Variants in SNX6 observed in about 807,000 individuals in gnomAD.
The protein encoded by SNX6 is sorting nexin 6.
Under a neutral mutation model 63.0 loss-of-function variants are expected in SNX6, and 34 were observed. That is an observed-to-expected ratio of 0.54 (90% CI 0.41 to 0.72). SNX6 has a LOEUF of 0.72. Ranked by LOEUF, SNX6 falls within the 30% of genes least tolerant of loss-of-function variation. The probability of loss-of-function intolerance (pLI) is 0.00; values close to 1 mark genes in which losing one functional copy is unlikely to be tolerated. For synonymous variants in SNX6, 170 were observed against 164.2 expected (o/e 1.04, Z -0.27); for missense variants, 398 against 471.4 (o/e 0.84, Z 1.44).
Position 34,630,120 on chromosome 14 carries a change from T to G in SNX6, c.-4A>C. The G allele has an allele frequency of 7.4e-7, 1 of 1,357,244 alleles. No homozygotes were observed. The highest frequency in any genetic ancestry group is 1.8e-5 in the South Asian group (1 of 55,594). 84.1% of individuals were successfully genotyped at this position (1,357,244 alleles called of 1,614,324 possible). On this transcript the variant is annotated 5_prime_UTR_variant, in exon 1 of 14. Coordinates refer to ENST00000362031, the MANE Select transcript of SNX6 (RefSeq NM_152233.4). ...CGCGGAGAACACCCACCATCATGGC[T>G]GCTCCGAGGCGAGGGCCGGCGCAGG...
In SNX6 at chr14:34,563,029, T is replaced by A. The variant is rs1231035511; in HGVS notation, c.*93A>T. ...CACTTTTTCAGCTGCTTTTTGTTTG[T>A]TTCCAGTGAGCATAAATGCTTAACA... On this transcript the variant is annotated 3_prime_UTR_variant, in exon 14 of 14. Coordinates refer to ENST00000362031, the MANE Select transcript of SNX6 (RefSeq NM_152233.4). 2 of 1,298,602 alleles carry A rather than the reference T, an allele frequency of 1.5e-6. No homozygotes were observed. Among genetic ancestry groups the A allele is most frequent in the Non-Finnish European group, 1.1e-6 (1 of 909,578 alleles). 80.4% of individuals were successfully genotyped at this position (1,298,602 alleles called of 1,614,324 possible).
At chr14:34,613,060 C>T (rs1292053940) in intron 2 of SNX6, among the ~76,000 whole-genome samples, 1 of 126,538 alleles carries the variant, frequency 7.9e-6, no homozygotes, top group Non-Finnish European at 1.7e-5. Context: ...AAAAAAAAAA[C>T]TGACACAGGA....
chr14:34,603,504 A>T, intron 5 of SNX6, 33 bp from the exon 6 acceptor site: 1 of 1,514,264 alleles, frequency 6.6e-7, no homozygotes, highest in Non-Finnish European at 8.8e-7. Flanking sequence ...AAGGTAAAAA[A>T]CTCCATCAAC....
chr14:34,575,930 G>GTTT (rs34357905), intron 10 of SNX6, 88 bp from the exon 11 acceptor site: 374 of 523,220 alleles, frequency 7.1e-4, no homozygotes, highest in Middle Eastern at 1.9e-3. Context: ...TTGTTTTTTT[G>GTTT]TTTTTTTTTT....
chr14:34,614,946 ATTT>A (rs1005919152), intron 2 of SNX6, among the ~76,000 whole-genome samples: 1 of 148,356 alleles, frequency 6.7e-6, no homozygotes, highest in Non-Finnish European at 1.5e-5. Context: ...TTGCTTTCAG[ATTT>A]TTTTTTTTAA....
chr14:34,629,023 G>A (rs1224594478), intron 2 of SNX6, among the ~76,000 whole-genome samples: 1 of 151,992 alleles, frequency 6.6e-6, no homozygotes, highest in Admixed American at 6.6e-5. Flanking sequence ...ACCAAGGGCA[G>A]AATGGAGGTT....
intron 2 of SNX6, among the ~76,000 whole-genome samples, chr14:34,621,554 C>G (rs572114778): frequency 6.6e-6 from 1 of 152,198 alleles, no homozygotes; most frequent in Non-Finnish European, 1.5e-5. Flanking sequence ...AGTGAAGAGA[C>G]ACAATCCTCA....
intron 2 of SNX6, among the ~76,000 whole-genome samples, chr14:34,623,177 G>C (rs1017371823): frequency 6.6e-6 from 1 of 152,060 alleles, no homozygotes; most frequent in African/African-American, 2.4e-5. Context: ...AATAAATGTG[G>C]CATGTGTTTA....
intron 9 of SNX6, among the ~76,000 whole-genome samples, chr14:34,584,896 A>C (rs1479716555): frequency 6.6e-6 from 1 of 151,930 alleles, no homozygotes; most frequent in Non-Finnish European, 1.5e-5. Flanking sequence ...CTTGTTGCCC[A>C]GGCTGGAGTG....
At chr14:34,596,895 C>T (rs571480732) in intron 7 of SNX6, among the ~76,000 whole-genome samples, 17 of 152,214 alleles carry the variant, frequency 1.1e-4, no homozygotes, top group Non-Finnish European at 2.1e-4. Flanking sequence ...GTCTCGAAAA[C>T]TCCTGACCTC....
chr14:34,585,161 A>C (rs1260345599), intron 9 of SNX6, among the ~76,000 whole-genome samples: 2 of 152,032 alleles, frequency 1.3e-5, no homozygotes, highest in Admixed American at 1.3e-4. Context: ...CCTCAACCCA[A>C]GTTTTTAAAG....
intron 2 of SNX6, among the ~76,000 whole-genome samples, chr14:34,618,365 G>C (rs68034895): frequency 0.26 from 21,861 of 83,016 alleles, 1,769 homozygotes; most frequent in African/African-American, 0.44. Flanking sequence ...TTTTTGGGGA[G>C]GGGGGGATGG....
At chr14:34,577,107 GA>G (rs1881742884) in intron 10 of SNX6, among the ~76,000 whole-genome samples, 1 of 151,830 alleles carries the variant, frequency 6.6e-6, no homozygotes, top group Non-Finnish European at 1.5e-5. Flanking sequence ...TTTTCCAGAC[GA>G]AGTCTTGCTC....
At chr14:34,628,410 G>A (rs1883911058) in intron 2 of SNX6, among the ~76,000 whole-genome samples, 1 of 152,198 alleles carries the variant, frequency 6.6e-6, no homozygotes, top group Admixed American at 6.5e-5. Context: ...AGTGAGCCAA[G>A]ATAGCGCTAC....
chr14:34,578,934 T>C (rs1271912582), intron 10 of SNX6, among the ~76,000 whole-genome samples: 2 of 7,484 alleles, frequency 2.7e-4, no homozygotes, highest in Non-Finnish European at 1.4e-3. Context: ...CGAGACTTCA[T>C]CTCAAAAAAA....
intron 2 of SNX6, among the ~76,000 whole-genome samples, chr14:34,617,177 C>T (rs1431742803): frequency 6.6e-6 from 1 of 152,078 alleles, no homozygotes; most frequent in African/African-American, 2.4e-5. Flanking sequence ...TTTTCTGGAA[C>T]AATACACATT....
intron 8 of SNX6, among the ~76,000 whole-genome samples, chr14:34,588,932 A>C (rs999620357): frequency 1.3e-5 from 2 of 152,070 alleles, no homozygotes; most frequent in East Asian, 3.9e-4. Context: ...TCAAGAGTTC[A>C]AGACCAGCCT....
intron 6 of SNX6, among the ~76,000 whole-genome samples, chr14:34,598,322 A>C (rs1882678714): frequency 2.0e-5 from 3 of 152,306 alleles, no homozygotes; most frequent in Admixed American, 6.5e-5. Flanking sequence ...ACCTTTATGT[A>C]AATGACTCAC....
At chr14:34,568,884 T>C in intron 11 of SNX6, 1 of 1,171,696 alleles carries the variant, frequency 8.5e-7, no homozygotes, top group Non-Finnish European at 1.3e-6. Flanking sequence ...TTCTCTGACA[T>C]CCCCCATAGA....
Sources: gnomAD v4.1 joint callset for allele counts (sites outside exome capture counted in the v4.1 genomes callset) on GRCh38, gnomAD v4.1.1 for gene constraint, MANE v1.5 for transcripts, NCBI Gene and HGNC (gene_info 2026-07-23, HGNC 2026-07-21) for gene names.